PLEKHG1: variants seen among roughly 807,000 people sequenced by gnomAD.
The protein encoded by PLEKHG1 is pleckstrin homology domain-containing family G member 1.
In PLEKHG1, 44 loss-of-function variants were observed where a neutral mutation model predicts 100.8. The observed-to-expected ratio is 0.44, with a 90% CI of 0.34 to 0.56. PLEKHG1 has a LOEUF of 0.56. Ranked by LOEUF, PLEKHG1 falls within the 20% of genes least tolerant of loss-of-function variation. The pLI, the probability that PLEKHG1 is intolerant of heterozygous loss-of-function variation, is 0.01. For synonymous variants in PLEKHG1, 640 were observed against 662.5 expected (o/e 0.97, Z 0.52); for missense variants, 1,545 against 1,720.9 (o/e 0.90, Z 1.81).
intron 1 of PLEKHG1, among the ~76,000 whole-genome samples, chr6:150,727,975 C>G (rs1193789660): frequency 6.6e-6 from 1 of 152,164 alleles, no homozygotes; most frequent in Non-Finnish European, 1.5e-5. Flanking sequence ...CTTTCTTGCC[C>G]TACAGATTTT....
chr6:150,751,754 G>A (rs1267260825), intron 2 of PLEKHG1, among the ~76,000 whole-genome samples: 1 of 152,150 alleles, frequency 6.6e-6, no homozygotes, highest in East Asian at 1.9e-4. Flanking sequence ...TTAATATAAG[G>A]CCATTTGGAA....
intron 2 of PLEKHG1, among the ~76,000 whole-genome samples, chr6:150,764,099 C>T (rs1784325914): frequency 6.6e-6 from 1 of 150,874 alleles, no homozygotes; most frequent in Admixed American, 6.7e-5. Context: ...TTTATAGCTT[C>T]TCTCCTATTT....
chr6:150,722,054 G>T (rs1159795803), intron 1 of PLEKHG1, among the ~76,000 whole-genome samples: 1 of 151,854 alleles, frequency 6.6e-6, no homozygotes, highest in Non-Finnish European at 1.5e-5. Context: ...AAAATTATTC[G>T]TTTTACTCAG....
chr6:150,765,637 A>G (rs1054763555), intron 2 of PLEKHG1, among the ~76,000 whole-genome samples: 4 of 152,206 alleles, frequency 2.6e-5, no homozygotes, highest in Non-Finnish European at 4.4e-5. Flanking sequence ...TCTTCTTTCT[A>G]TAGCATGTCC....
rs803411 is a variant in PLEKHG1 at position 150,831,520 on chromosome 6, T to C, written c.2409T>C (p.Thr803=). ...ACGAAGCCCCTTACCATCAGGCCACTCCCGATCATGGTTATCTGAGTTTGC... is the reference window on the plus strand; with the variant it reads ...ACGAAGCCCCTTACCATCAGGCCACCCCCGATCATGGTTATCTGAGTTTGC... The change falls in exon 15 of 16, where the codon ACT becomes ACC. Residue 803 remains threonine (T), a synonymous_variant. Coordinates refer to ENST00000358517, the Ensembl canonical transcript of PLEKHG1. This position sits in a 1 kb window ranked among gnomAD's most constrained non-coding sequence, Gnocchi z 4.1. 0.71 allele frequency: 1,148,455 copies of C among 1,613,702 alleles called. 410,656 individuals carry two copies. The highest frequency in any genetic ancestry group is 0.77 in the Admixed American group (46,404 of 60,004).
intron 3 of PLEKHG1, among the ~76,000 whole-genome samples, chr6:150,702,279 G>A (rs1780820750): frequency 6.6e-6 from 1 of 152,172 alleles, no homozygotes; most frequent in Non-Finnish European, 1.5e-5. Context: ...AGACCAGCCT[G>A]CCCAGCATGG....
At chr6:150,720,595 A>G (rs1272477590), upstream of PLEKHG1, among the ~76,000 whole-genome samples, 2 of 152,166 alleles carry the variant, frequency 1.3e-5, no homozygotes, top group Non-Finnish European at 2.9e-5. Context: ...ACTGCCTTCC[A>G]CTGGCTGTTA....
intron 1 of PLEKHG1, among the ~76,000 whole-genome samples, chr6:150,622,236 A>G (rs1309939529): frequency 6.6e-6 from 1 of 152,260 alleles, no homozygotes; most frequent in Non-Finnish European, 1.5e-5. Flanking sequence ...GCACTCTTCT[A>G]CATGCTGTGG....
intron 10 of PLEKHG1, among the ~76,000 whole-genome samples, chr6:150,812,311 C>G (rs1787576211): frequency 6.6e-6 from 1 of 152,094 alleles, no homozygotes; most frequent in African/African-American, 2.4e-5. Context: ...GAAAGATGAA[C>G]CCTTGGGAAT....
intron 3 of PLEKHG1, among the ~76,000 whole-genome samples, chr6:150,671,763 A>G (rs1027124212): frequency 6.6e-6 from 1 of 152,216 alleles, no homozygotes; most frequent in Admixed American, 6.5e-5. Flanking sequence ...GAAGACCTAC[A>G]TGAAGTTGGG....
chr6:150,690,328 T>C (rs1034042021), intron 3 of PLEKHG1, among the ~76,000 whole-genome samples: 1 of 152,092 alleles, frequency 6.6e-6, no homozygotes. Flanking sequence ...CAGCATACAC[T>C]GCACCACATC....
intron 3 of PLEKHG1, among the ~76,000 whole-genome samples, chr6:150,664,945 A>G (rs1190607949): frequency 1.3e-5 from 2 of 152,130 alleles, no homozygotes; most frequent in Non-Finnish European, 2.9e-5. Flanking sequence ...GGCTGTGGGA[A>G]CAGAGCCAGA....
At chr6:150,681,883 G>A (rs1289076169) in intron 3 of PLEKHG1, among the ~76,000 whole-genome samples, 1 of 152,208 alleles carries the variant, frequency 6.6e-6, no homozygotes, top group African/African-American at 2.4e-5. Context: ...CGCTGATGAA[G>A]TATGGCTGAA....
intron 2 of PLEKHG1, among the ~76,000 whole-genome samples, chr6:150,640,996 G>A (rs554839591): frequency 6.6e-6 from 1 of 152,122 alleles, no homozygotes; most frequent in Non-Finnish European, 1.5e-5. Flanking sequence ...CAGTTTCATA[G>A]TGAAAAACTT....
At chr6:150,671,514 C>T (rs137924009) in intron 3 of PLEKHG1, among the ~76,000 whole-genome samples, 1 of 152,200 alleles carries the variant, frequency 6.6e-6, no homozygotes, top group South Asian at 2.1e-4. Flanking sequence ...TCAGAAATCA[C>T]TTGCTCACTC....
intron 10 of PLEKHG1, 115 bp from the exon 12 acceptor site, chr6:150,818,068 T>G: frequency 2.4e-6 from 2 of 836,060 alleles, no homozygotes; most frequent in Admixed American, 4.4e-5. Context: ...AAATAGCGAG[T>G]TTTTAAACGT....
At chr6:150,716,077 C>T (rs1372429340) in intron 3 of PLEKHG1, among the ~76,000 whole-genome samples, 1 of 143,452 alleles carries the variant, frequency 7.0e-6, no homozygotes, top group Non-Finnish European at 1.5e-5. Context: ...CACTGCACTC[C>T]AGCCTGGGCG....
At chr6:150,795,250 C>T (rs546431564) in intron 4 of PLEKHG1, among the ~76,000 whole-genome samples, 3 of 152,054 alleles carry the variant, frequency 2.0e-5, no homozygotes, top group South Asian at 2.1e-4. Flanking sequence ...ACTAGCTGGG[C>T]GCGGTGACGC....
intron 2 of PLEKHG1, 42 bp from the exon 2 acceptor site, chr6:150,650,686 A>G (rs1269497080): frequency 1.3e-5 from 2 of 152,210 alleles, no homozygotes; most frequent in African/African-American, 4.8e-5. Context: ...TGAGAAAGCA[A>G]TATTTAAGTA....
Sources: allele counts gnomAD v4.1 joint callset (sites outside exome capture counted in the v4.1 genomes callset), GRCh38; gene constraint gnomAD v4.1.1; non-coding constraint Gnocchi (gnomAD v3.1); transcripts MANE v1.5; gene names NCBI Gene and HGNC (gene_info 2026-07-23, HGNC 2026-07-21).